Variants in ACTN1 observed in about 807,000 individuals in gnomAD.
ACTN1 encodes alpha-actinin-1.
ACTN1 carries 30 observed loss-of-function variants against 119.6 expected under a neutral mutation model. The observed-to-expected ratio is 0.25, with a 90% CI of 0.19 to 0.34. The LOEUF (loss-of-function observed/expected upper bound fraction) is 0.34, where lower values mean the gene tolerates loss of function less well. Among genes scored for constraint, ACTN1 ranks in the 10% least tolerant of loss-of-function variants. The probability of loss-of-function intolerance (pLI) is 1.00; values close to 1 mark genes in which losing one functional copy is unlikely to be tolerated. For missense variants in ACTN1, 764 were observed against 1,223.4 expected, an observed-to-expected ratio of 0.62 and a Z score of 5.60; for synonymous variants, 429 against 472.6, an observed-to-expected ratio of 0.91 and a Z score of 1.20.
At chr14:68,898,081 T>TG (rs1489968587) in intron 8 of ACTN1, among the ~76,000 whole-genome samples, 2 of 152,220 alleles carry the variant, frequency 1.3e-5, no homozygotes, top group African/African-American at 4.8e-5. Flanking sequence ...TGCTCAGATC[T>TG]GGGGCAGAGC....
intron 11 of ACTN1, among the ~76,000 whole-genome samples, chr14:68,888,832 A>C (rs1339248095): frequency 6.6e-6 from 1 of 152,154 alleles, no homozygotes; most frequent in Non-Finnish European, 1.5e-5. Context: ...TCTGAAGTAG[A>C]ACAGTCATCC....
In ACTN1 at chr14:68,874,931, G is replaced by A; in HGVS notation, c.2673C>T (p.Gly891=). Residue 891 remains glycine, a synonymous_variant, in exon 22 of 22, where the codon GGC becomes GGT. Coordinates refer to ENST00000394419, the MANE Select transcript of ACTN1 (RefSeq NM_001130004.2). ...YCIARMAPYT[G]PDSVPGALDY... ...CCAGAGCACCTGGCACGGAGTCGGG[G>A]CCGGTGTAGGGGGCCATCCGCGCGA... 1 of 1,612,500 alleles carries A rather than the reference G, an allele frequency of 6.2e-7. No homozygotes were observed. Among genetic ancestry groups the A allele is most frequent in the South Asian group, 1.1e-5 (1 of 91,054 alleles).
At chr14:68,922,755 C>T (rs1224221397) in intron 2 of ACTN1, among the ~76,000 whole-genome samples, 1 of 152,250 alleles carries the variant, frequency 6.6e-6, no homozygotes. Context: ...TAATCTGTGG[C>T]TGTCCAGCCC....
intron 11 of ACTN1, chr14:68,887,595 G>C: frequency 7.1e-7 from 1 of 1,401,178 alleles, no homozygotes; most frequent in Non-Finnish European, 9.5e-7. Context: ...TAAACAATCA[G>C]CAAATGATTT....
chr14:68,906,986 A>AGG (rs144749586), intron 6 of ACTN1, among the ~76,000 whole-genome samples: 8 of 151,810 alleles, frequency 5.3e-5, no homozygotes, highest in African/African-American at 1.2e-4. Context: ...AAAAAACAGA[A>AGG]GGGGGGCTGG....
intron 1 of ACTN1, among the ~76,000 whole-genome samples, chr14:68,929,798 C>A (rs897699504): frequency 3.9e-4 from 59 of 152,338 alleles, no homozygotes; most frequent in African/African-American, 1.4e-3. Context: ...ACAGCCTGGA[C>A]CCCTGCTCAG....
chr14:68,916,944 C>G (rs780864022), intron 3 of ACTN1, among the ~76,000 whole-genome samples: 2 of 152,146 alleles, frequency 1.3e-5, no homozygotes, highest in African/African-American at 4.8e-5. Flanking sequence ...CAGGGGCCAC[C>G]ACCTCCCAGA....
Position 68,909,464 on chromosome 14 carries a change from A to G in ACTN1, c.516-68T>C, listed in dbSNP as rs1222891099. On this transcript the variant is annotated intron_variant, in intron 5 of 21. Coordinates refer to ENST00000394419, the MANE Select transcript of ACTN1 (RefSeq NM_001130004.2). This position sits in a 1 kb window ranked among gnomAD's most constrained non-coding sequence, Gnocchi z 4.1. ...CTGAACAAACGGGCAACCAGGGCAA[A>G]GCAGGGGCCTCCTAGACACCAGAGA... The G allele has an allele frequency of 1.3e-5, 19 of 1,460,698 alleles. No homozygotes were observed. Among genetic ancestry groups the G allele is most frequent in the Non-Finnish European group, 1.7e-5 (18 of 1,046,196 alleles). The allele number at this position is 1,460,698 out of a possible 1,614,324, so 90.5% of individuals were successfully genotyped here. A position where few individuals can be genotyped will look rare whatever the true frequency, so the allele number is the denominator to read the frequency against.
Position 68,878,358 on chromosome 14 carries a change from C to G in ACTN1, c.2427+100G>C, listed in dbSNP as rs2140051122. ...GGGGCTCCTCCAGGGAGGGCAGCCCCTAGCCTGAGGGCCTCCAGCCTGCCA... is the reference window on the plus strand; with the variant it reads ...GGGGCTCCTCCAGGGAGGGCAGCCCGTAGCCTGAGGGCCTCCAGCCTGCCA... On this transcript the variant is annotated intron_variant, in intron 20 of 21. Coordinates refer to ENST00000394419, the MANE Select transcript of ACTN1 (RefSeq NM_001130004.2). The surrounding 1 kb of genome is among the most constrained non-coding windows in gnomAD (Gnocchi z 4.4). 7 of 1,471,824 alleles carry G rather than the reference C, an allele frequency of 4.8e-6. No individual in the cohort carries two copies. Among genetic ancestry groups the G allele is most frequent in the Non-Finnish European group, 5.4e-6 (6 of 1,110,870 alleles). 91.2% of individuals were successfully genotyped at this position (1,471,824 alleles called of 1,614,324 possible).
chr14:68,905,982 C>CAAA lies in ACTN1; in HGVS notation c.595-1249_595-1247dup, dbSNP rs755762604. On this transcript the variant is annotated intron_variant, in intron 6 of 21. Transcript: ENST00000394419. ...TGGGCAACAGAGCAAGACCTCGTCTCAAAAAAAAAAAAAAAAACAGCAAAC... is the reference window on the plus strand; with the variant it reads ...TGGGCAACAGAGCAAGACCTCGTCTCAAAAAAAAAAAAAAAAAAAACAGCAAAC... 9.4e-4 allele frequency among the ~76,000 whole-genome samples: 90 copies of CAAA among 96,074 alleles called. 1 individual carries two copies. Among genetic ancestry groups the CAAA allele is most frequent in the African/African-American group, 3.3e-3 (87 of 25,992 alleles). The allele number at this position is 96,074 out of a possible 152,430, so 63.0% of individuals were successfully genotyped here. A position where few individuals can be genotyped will look rare whatever the true frequency, so the allele number is the denominator to read the frequency against.
intron 1 of ACTN1, among the ~76,000 whole-genome samples, chr14:68,957,431 C>T (rs1404299888): frequency 6.6e-6 from 1 of 152,234 alleles, no homozygotes; most frequent in Non-Finnish European, 1.5e-5. Context: ...AATGACTCGG[C>T]CATCAGGTGT....
chr14:68,891,872 G>A (rs923203631), intron 10 of ACTN1, among the ~76,000 whole-genome samples, 181 bp downstream of exon 10: 17 of 152,170 alleles, frequency 1.1e-4, no homozygotes, highest in Non-Finnish European at 1.6e-4. Flanking sequence ...CCACATGGCC[G>A]AGTTTGGGAT....
intron 7 of ACTN1, among the ~76,000 whole-genome samples, chr14:68,903,399 C>T (rs1453267623): frequency 2.6e-5 from 4 of 151,944 alleles, no homozygotes; most frequent in East Asian, 1.9e-4. Flanking sequence ...AAAAATTAGC[C>T]GGTGGTGGGT....
rs116548460 is a variant in ACTN1, at chr14:68,975,241, G to A, written c.105+3711C>T. Among the ~76,000 whole-genome samples the A allele has an allele frequency of 3.9e-3, 587 of 152,266 alleles. 8 individuals carry two copies. Among genetic ancestry groups the A allele is most frequent in the African/African-American group, 0.013 (561 of 41,556 alleles). ...ATGCACTTGCCAACGCTGCCTCTCT[G>A]TTTCAACATCCATTCGCTCAACAAG... On this transcript the variant is annotated intron_variant, in intron 1 of 21. Transcript: ENST00000394419.
Position 68,874,696 on chromosome 14 carries a change from T to C in ACTN1, c.*163A>G. On this transcript the variant is annotated 3_prime_UTR_variant, in exon 22 of 22. Coordinates refer to ENST00000394419, the MANE Select transcript of ACTN1 (RefSeq NM_001130004.2). ...TTTTCTTTTTTGCAGAAAATAATTT[T>C]GTAAACTGTCACTTCGCGGGCAGGG... 3.3e-6 allele frequency: 2 copies of C among 599,424 alleles called. No individual in the cohort carries two copies. Among genetic ancestry groups the C allele is most frequent in the Non-Finnish European group, 5.0e-6 (2 of 400,226 alleles). 37.1% of individuals were successfully genotyped at this position (599,424 alleles called of 1,614,324 possible).
chr14:68,896,675 T>C (rs73284974), intron 8 of ACTN1, among the ~76,000 whole-genome samples: 8,155 of 152,204 alleles, frequency 0.054, 297 homozygotes, highest in Middle Eastern at 0.095. Flanking sequence ...CCTCAGGAAC[T>C]GAAGCAGCTT....
chr14:68,950,380 C>T (rs1209705157), intron 1 of ACTN1, among the ~76,000 whole-genome samples: 1 of 150,040 alleles, frequency 6.7e-6, no homozygotes, highest in Non-Finnish European at 1.5e-5. Context: ...CTTAATGCTG[C>T]TGAACTGTAC....
rs1183592989 is a variant in ACTN1 at position 68,950,467 on chromosome 14, T to TATATATATATAC, written c.106-24796_106-24795insGTATATATATAT. ...CATAATATATATGCGTGTGTGTATA[T>TATATATATATAC]ATATATATATAAATCAAACATATAA... On this transcript the variant is annotated intron_variant, in intron 1 of 21. Transcript: ENST00000394419. Among the ~76,000 whole-genome samples the TATATATATATAC allele has an allele frequency of 1.8e-4, 27 of 148,508 alleles. 3 individuals carry two copies. The highest frequency in any genetic ancestry group is 6.8e-4 in the African/African-American group (26 of 38,492).
intron 21 of ACTN1, chr14:68,875,232 T>C (rs1234405643): frequency 7.5e-7 from 1 of 1,329,132 alleles, no homozygotes; most frequent in African/African-American, 1.5e-5. Flanking sequence ...GGTTTTCCAC[T>C]TCAGTACCTA....
Sources: allele counts gnomAD v4.1 joint callset (sites outside exome capture counted in the v4.1 genomes callset), GRCh38; gene constraint gnomAD v4.1.1; non-coding constraint Gnocchi (gnomAD v3.1); transcripts MANE v1.5; gene names NCBI Gene and HGNC (gene_info 2026-07-23, HGNC 2026-07-21).